NME8: variants seen among roughly 807,000 people sequenced by gnomAD.
NME8 encodes protein NME8.
Under a neutral mutation model 82.3 loss-of-function variants are expected in NME8, and 72 were observed. That is an observed-to-expected ratio of 0.87 (90% CI 0.72 to 1.06). The LOEUF is 1.06. Among genes scored for constraint, NME8 ranks in the 50% least tolerant of loss-of-function variants. The pLI, the probability that NME8 is intolerant of heterozygous loss-of-function variation, is 0.00. For synonymous variants in NME8, 267 were observed against 228.5 expected, an observed-to-expected ratio of 1.17 and a Z score of -1.52; for missense variants, 712 against 685.4, an observed-to-expected ratio of 1.04 and a Z score of -0.43.
chr7:37,870,133 G>A (rs1784745655), intron 11 of NME8, among the ~76,000 whole-genome samples: 1 of 151,832 alleles, frequency 6.6e-6, no homozygotes, highest in African/African-American at 2.4e-5. Flanking sequence ...TTTGCCAGAT[G>A]GTCTATAACA....
chr7:37,892,106 T>G (rs1367744525), intron 15 of NME8, among the ~76,000 whole-genome samples: 1 of 152,022 alleles, frequency 6.6e-6, no homozygotes, highest in Non-Finnish European at 1.5e-5. Context: ...TGGTGCCATA[T>G]TTACTTTTGT....
intron 12 of NME8, 82 bp from the exon 13 acceptor site, chr7:37,884,221 C>A: frequency 1.0e-6 from 1 of 980,910 alleles, no homozygotes. Context: ...CATTGTATGC[C>A]CTCATGATAG....
chr7:37,897,142 T>C, intron 17 of NME8, 35 bp downstream of exon 17: 1 of 1,362,014 alleles, frequency 7.3e-7, no homozygotes, highest in Non-Finnish European at 1.0e-6. Context: ...TTATTTTATT[T>C]GCTTGTTGCA....
At chr7:37,849,424 G>C (rs1473071230) in intron 2 of NME8, among the ~76,000 whole-genome samples, 2 of 152,086 alleles carry the variant, frequency 1.3e-5, no homozygotes, top group African/African-American at 4.8e-5. Flanking sequence ...CCTTGCTTCA[G>C]GACTGTTGGG....
rs748021037 is a variant in NME8, at chr7:37,882,615, GAA to G, written c.995-1686_995-1685del. Among the ~76,000 whole-genome samples, 427 of 72,192 alleles carry G rather than the reference GAA, an allele frequency of 5.9e-3. 3 individuals carry two copies. The highest frequency in any genetic ancestry group is 0.016 in the East Asian group (41 of 2,598). 47.4% of individuals were successfully genotyped at this position (72,192 alleles called of 152,430 possible). ...AGAAAGAAAGAGAGAGAGAGAGAGA[GAA>G]AGAAAGAAAGAAAGAAAGAAAGAAA... On this transcript the variant is annotated intron_variant, in intron 12 of 17. Coordinates refer to ENST00000199447, the MANE Select transcript of NME8 (RefSeq NM_016616.5).
intron 11 of NME8, among the ~76,000 whole-genome samples, chr7:37,873,006 T>G (rs1784791829): frequency 6.6e-6 from 1 of 152,206 alleles, no homozygotes; most frequent in Non-Finnish European, 1.5e-5. Context: ...TAACAGCCTC[T>G]TCCTCTGTAT....
At chr7:37,880,950 GA>G (rs747677415) in intron 12 of NME8, among the ~76,000 whole-genome samples, 1 of 151,892 alleles carries the variant, frequency 6.6e-6, no homozygotes, top group Non-Finnish European at 1.5e-5. Context: ...CTGGTATATA[GA>G]AAAAAATTGA....
At chr7:37,882,452 A>C (rs1480464253) in intron 12 of NME8, among the ~76,000 whole-genome samples, 1 of 151,580 alleles carries the variant, frequency 6.6e-6, no homozygotes, top group Non-Finnish European at 1.5e-5. Flanking sequence ...GTGCTACTGC[A>C]CCCCAGCCTG....
In NME8 at chr7:37,877,089, A is replaced by T. The variant is rs556096644; in HGVS notation, c.994+82A>T. On this transcript the variant is annotated intron_variant, in intron 12 of 17. Transcript: ENST00000199447. ...CCCTAGTATAATTGCATTTAAAGAC[A>T]TTGTTTTAAAATTTAACATTGAAGA... 62 of 1,193,508 alleles carry T rather than the reference A, an allele frequency of 5.2e-5. 1 individual carries two copies. In the South Asian group the frequency reaches 7.8e-4, roughly 15 times the overall value. 73.9% of individuals were successfully genotyped at this position (1,193,508 alleles called of 1,614,324 possible). A position where few individuals can be genotyped will look rare whatever the true frequency, so the allele number is the denominator to read the frequency against.
chr7:37,873,291 C>T (rs1306136050), intron 11 of NME8, among the ~76,000 whole-genome samples: 2 of 144,514 alleles, frequency 1.4e-5, no homozygotes, highest in African/African-American at 2.5e-5. Flanking sequence ...ACCCAGGAGG[C>T]GGAGATTGCA....
intron 2 of NME8, 35 bp from the exon 3 acceptor site, chr7:37,850,225 T>G: frequency 6.5e-7 from 1 of 1,536,334 alleles, no homozygotes; most frequent in Non-Finnish European, 9.0e-7. Context: ...TTAAATTTCC[T>G]ACTTAAAAAT....
At chr7:37,873,509 T>A (rs1784803230) in intron 11 of NME8, among the ~76,000 whole-genome samples, 1 of 152,232 alleles carries the variant, frequency 6.6e-6, no homozygotes, top group East Asian at 1.9e-4. Flanking sequence ...ATAAAACACA[T>A]GTATGTCTGT....
At chr7:37,892,653 T>G (rs10268173) in intron 15 of NME8, among the ~76,000 whole-genome samples, 13,167 of 152,070 alleles carry the variant, frequency 0.087, 807 homozygotes, top group East Asian at 0.32. Flanking sequence ...CTGTTCTCTA[T>G]GTCCTTCTCT....
chr7:37,892,554 C>T (rs963763973), intron 15 of NME8, among the ~76,000 whole-genome samples: 4 of 151,784 alleles, frequency 2.6e-5, no homozygotes, highest in Non-Finnish European at 5.9e-5. Context: ...TGTAGACATG[C>T]TTATCTTTGC....
chr7:37,884,227 G>T, intron 12 of NME8, 76 bp from the exon 13 acceptor site: 2 of 1,033,378 alleles, frequency 1.9e-6, no homozygotes, highest in Non-Finnish European at 3.0e-6. Flanking sequence ...ATGCCCTCAT[G>T]ATAGTATATT....
chr7:37,890,237 T>G (rs1785107978), intron 15 of NME8, among the ~76,000 whole-genome samples: 1 of 151,962 alleles, frequency 6.6e-6, no homozygotes, highest in Non-Finnish European at 1.5e-5. Flanking sequence ...TATTCATGGC[T>G]TTCTCTCAAA....
chr7:37,849,048 C>T lies in NME8; in HGVS notation c.-16C>T, dbSNP rs1784401321. The stretch of plus-strand genomic sequence containing the variant: ...GTCCCAGTCTAGCTTAGAGGAGGAC[C>T]TGTTTTGTGTAAGGCTTGCCGGAGC... On this transcript the variant is annotated 5_prime_UTR_variant, in exon 2 of 18. Transcript: ENST00000199447. 1 of 152,366 alleles carries T rather than the reference C, an allele frequency of 6.6e-6. No homozygotes were observed. The highest frequency in any genetic ancestry group is 2.1e-4 in the South Asian group (1 of 4,822). The allele number at this position is 152,366 out of a possible 1,614,324, so 9.4% of individuals were successfully genotyped here.
intron 11 of NME8, among the ~76,000 whole-genome samples, chr7:37,873,679 A>G (rs958394867): frequency 1.3e-5 from 2 of 152,204 alleles, no homozygotes; most frequent in Non-Finnish European, 2.9e-5. Context: ...AGAAATTGCA[A>G]TAATGCCAAT....
intron 5 of NME8, among the ~76,000 whole-genome samples, chr7:37,852,726 C>G (rs1784454680): frequency 6.6e-6 from 1 of 152,126 alleles, no homozygotes; most frequent in Non-Finnish European, 1.5e-5. Context: ...GTTTATTTAT[C>G]CATTCACCTG....
Sources: gnomAD v4.1 joint callset for allele counts (sites outside exome capture counted in the v4.1 genomes callset) on GRCh38, gnomAD v4.1.1 for gene constraint, MANE v1.5 for transcripts, NCBI Gene and HGNC (gene_info 2026-07-23, HGNC 2026-07-21) for gene names.